REV1: variants seen among roughly 807,000 people sequenced by gnomAD.
REV1 encodes the protein REV1 DNA directed polymerase.
REV1 carries 42 observed loss-of-function variants against 137.4 expected under a neutral mutation model. The ratio of observed to expected loss-of-function variants is 0.31; its 90% CI spans 0.24 to 0.40. The LOEUF is 0.40. REV1 is among the 10% of genes least tolerant of loss of function. The pLI, the probability that REV1 is intolerant of heterozygous loss-of-function variation, is 1.00. For missense variants in REV1, 1,282 were observed against 1,490.1 expected, an observed-to-expected ratio of 0.86 and a Z score of 2.30; for synonymous variants, 524 against 519.2, an observed-to-expected ratio of 1.01 and a Z score of -0.12.
chr2:99,431,852 G>C (rs1221654058), intron 8 of REV1: 1 of 985,332 alleles, frequency 1.0e-6, no homozygotes, highest in African/African-American at 1.7e-5. Context: ...GGGCAAAGTA[G>C]AGAACTGCTC....
upstream of REV1, chr2:99,490,028 C>T (rs1289064225): frequency 2.7e-5 from 4 of 149,270 alleles, no homozygotes; most frequent in Admixed American, 6.7e-5. Context: ...TCCGCCCCTC[C>T]CCCTCCGGTT....
intron 9 of REV1, among the ~76,000 whole-genome samples, chr2:99,429,431 T>C (rs1217293601): frequency 6.6e-6 from 1 of 152,184 alleles, no homozygotes; most frequent in African/African-American, 2.4e-5. Flanking sequence ...GCAAATGGGT[T>C]TTAACACTAA....
chr2:99,438,571 C>T (rs10175852), intron 6 of REV1, 30 bp downstream of exon 6: 1 of 1,530,340 alleles, frequency 6.5e-7, no homozygotes, highest in African/African-American at 1.4e-5. Context: ...ATGACTGTTT[C>T]TTAAGAAGAC....
intron 17 of REV1, 91 bp from the exon 18 acceptor site, chr2:99,404,768 G>C: frequency 1.2e-6 from 1 of 840,912 alleles, no homozygotes; most frequent in Non-Finnish European, 1.9e-6. Flanking sequence ...ATTTCAATTT[G>C]AATACTGTGG....
intron 1 of REV1, among the ~76,000 whole-genome samples, chr2:99,481,414 C>T (rs114406311): frequency 6.6e-6 from 1 of 152,148 alleles, no homozygotes; most frequent in Non-Finnish European, 1.5e-5. Flanking sequence ...TGTAGTAATT[C>T]TCAACAGAAG....
chr2:99,406,446 A>G lies in REV1; in HGVS notation c.2493T>C (p.Pro831=). Reference sequence around the variant, plus strand: ...CTGATGGGCGACTGGGACATGTGGAAGGGTTCAGATTAGTTGGAACCAACT... The same window carrying G: ...CTGATGGGCGACTGGGACATGTGGAGGGGTTCAGATTAGTTGGAACCAACT... ...VNQLVPTNLN[P]STCPSRPSVQ... is the part of the protein sequence containing the mutation. The change falls in exon 16 of 23, where the codon CCT becomes CCC. Residue 831 remains proline, a synonymous_variant. Transcript: ENST00000258428. 5 of 1,613,716 alleles carry G rather than the reference A, an allele frequency of 3.1e-6. No individual in the cohort carries two copies. The highest frequency in any genetic ancestry group is 4.2e-6 in the Non-Finnish European group (5 of 1,179,730).
chr2:99,453,892 C>CAAA (rs58291328), intron 3 of REV1, among the ~76,000 whole-genome samples: 6,969 of 47,858 alleles, frequency 0.15, 664 homozygotes, highest in African/African-American at 0.22. Flanking sequence ...GGCTCTGTCT[C>CAAA]AAAAAAAAAA....
intron 11 of REV1, among the ~76,000 whole-genome samples, chr2:99,420,588 C>T (rs1162413025): frequency 6.6e-6 from 1 of 152,230 alleles, no homozygotes; most frequent in African/African-American, 2.4e-5. Flanking sequence ...CCCAGTAGTC[C>T]TGTGTAGCAC....
chr2:99,476,135 G>A (rs1387020503), intron 1 of REV1, among the ~76,000 whole-genome samples: 2 of 152,172 alleles, frequency 1.3e-5, no homozygotes, highest in Non-Finnish European at 2.9e-5. Context: ...CCACAGATGT[G>A]GCTGTGCAGT....
At position 99,438,668 on chromosome 2, in the gene REV1, G is replaced by C; in HGVS notation, c.1146C>G (p.Ile382Met). ...TTTTTAACTTTTCCCTTCCTGGAAA[G>C]ATACCATTACTTTGTCTTTGTAGGG... is the stretch of plus-strand genomic sequence containing the variant. ...VNTLQRQSNG[I>M]FPGREKLKKM... is the part of the protein sequence containing the mutation. The change falls in exon 6 of 23, where the codon ATC (isoleucine) becomes ATG (methionine). Residue 382 changes from isoleucine (I) to methionine (M), a missense_variant. Ile to Met is a conservative substitution (Grantham distance 10, BLOSUM62 1). Coordinates refer to ENST00000258428, the MANE Select transcript of REV1 (RefSeq NM_016316.4). The C allele has an allele frequency of 1.2e-6, 2 of 1,614,092 alleles. No homozygotes were observed. Among genetic ancestry groups the C allele is most frequent in the Non-Finnish European group, 1.7e-6 (2 of 1,180,006 alleles).
At chr2:99,484,715 CATAA>C (rs919948905) in intron 1 of REV1, among the ~76,000 whole-genome samples, 3 of 151,864 alleles carry the variant, frequency 2.0e-5, no homozygotes, top group Non-Finnish European at 4.4e-5. Flanking sequence ...AAAAATTAGC[CATAA>C]ATAATGATGA....
chr2:99,484,340 T>C (rs141052783), intron 1 of REV1, among the ~76,000 whole-genome samples: 10 of 152,194 alleles, frequency 6.6e-5, no homozygotes, highest in African/African-American at 2.2e-4. Flanking sequence ...AGTTTATCTA[T>C]ATAACAAACA....
At chr2:99,475,888 G>T (rs1307019295) in intron 1 of REV1, among the ~76,000 whole-genome samples, 1 of 152,178 alleles carries the variant, frequency 6.6e-6, no homozygotes, top group Non-Finnish European at 1.5e-5. Context: ...GGAGGCTGAG[G>T]CAGAGAACTG....
intron 1 of REV1, among the ~76,000 whole-genome samples, chr2:99,471,819 T>C (rs972721182): frequency 6.7e-6 from 1 of 149,698 alleles, no homozygotes; most frequent in Non-Finnish European, 1.5e-5. Context: ...TCAGTGTCAT[T>C]AATCACTATG....
chr2:99,474,058 T>C (rs1685707104), intron 1 of REV1, among the ~76,000 whole-genome samples: 1 of 152,250 alleles, frequency 6.6e-6, no homozygotes, highest in Non-Finnish European at 1.5e-5. Context: ...CCCAAATTCC[T>C]ACCACCTAAA....
rs375090189 is a variant in REV1 at position 99,405,935 on chromosome 2, C to T, written c.2786G>A (p.Ser929Asn). Residue 929 changes from serine to asparagine, a missense_variant, in exon 17 of 23, where the codon AGT (serine) becomes AAT (asparagine). This residue lies in a region of REV1 where 135 missense variants were observed against 123.3 expected (regional missense o/e 1.10). Coordinates refer to ENST00000258428, the MANE Select transcript of REV1 (RefSeq NM_016316.4). ...PVSVQSRLNL[S>N]IEVPSPSQLD... The stretch of plus-strand genomic sequence containing the variant: ...CTGGGAAGGTGACGGGACCTCTATA[C>T]TCAGGTTAAGTCTCGACTGCACACT... 3.1e-6 allele frequency: 5 copies of T among 1,594,962 alleles called. No individual in the cohort carries two copies. The African/African-American group carries it at 6.7e-5, about 21-fold the overall frequency.
intron 1 of REV1, among the ~76,000 whole-genome samples, chr2:99,489,144 A>G (rs1687408397): frequency 6.6e-6 from 1 of 152,190 alleles, no homozygotes; most frequent in Non-Finnish European, 1.5e-5. Context: ...GAAGTGGGCA[A>G]GGGGCTCTCG....
At chr2:99,446,824 C>T (rs1328473417) in intron 4 of REV1, among the ~76,000 whole-genome samples, 1 of 151,968 alleles carries the variant, frequency 6.6e-6, no homozygotes, top group African/African-American at 2.4e-5. Context: ...TAAATCAATT[C>T]CCCCCAGCAA....
rs373464759 is a variant in REV1, at chr2:99,403,830, G to A, written c.3046-15C>T. On this transcript the variant is annotated splice_polypyrimidine_tract_variant and intron_variant, in intron 18 of 22. Coordinates refer to ENST00000258428, the MANE Select transcript of REV1 (RefSeq NM_016316.4). ...TCAGGGTCCACCTAGTGGAAAAGAC[G>A]AGGTCAAAGTCAAACCTGAGCTAAT... 2.4e-5 allele frequency: 38 copies of A among 1,613,406 alleles called. No homozygotes were observed. The African/African-American group carries it at 2.9e-4, about 12-fold the overall frequency.
Sources: allele counts gnomAD v4.1 joint callset (sites outside exome capture counted in the v4.1 genomes callset), GRCh38; gene constraint gnomAD v4.1.1; regional missense constraint gnomAD v4.1.1; transcripts MANE v1.5; gene names NCBI Gene and HGNC (gene_info 2026-07-23, HGNC 2026-07-21).